CDKL1: variants seen among roughly 807,000 people sequenced by gnomAD.
CDKL1 encodes cyclin dependent kinase like 1, also known as cyclin-dependent kinase-like 1.
In CDKL1, 41 loss-of-function variants were observed where a neutral mutation model predicts 42.0. That is an observed-to-expected ratio of 0.98 (90% CI 0.76 to 1.27). CDKL1 has a LOEUF of 1.27. CDKL1 is among the 50% of genes most tolerant of loss of function. The pLI, the probability that CDKL1 is intolerant of heterozygous loss-of-function variation, is 0.00. For synonymous variants in CDKL1, 153 were observed against 158.6 expected (o/e 0.96, Z 0.26); for missense variants, 394 against 428.4 (o/e 0.92, Z 0.71).
intron 2 of CDKL1, among the ~76,000 whole-genome samples, chr14:50,394,007 G>C (rs958924344): frequency 3.9e-5 from 6 of 152,162 alleles, no homozygotes; most frequent in Non-Finnish European, 7.4e-5. Flanking sequence ...GAGCTACAGA[G>C]GCAAGGTCTC....
Position 50,336,139 on chromosome 14 carries a change from C to T in CDKL1, c.739-1518G>A, listed in dbSNP as rs181153117. The T allele has an allele frequency of 2.5e-4, 338 of 1,365,412 alleles. No homozygotes were observed. The Admixed American group carries it at 5.4e-3, about 22-fold the overall frequency. The allele number at this position is 1,365,412 out of a possible 1,614,324, so 84.6% of individuals were successfully genotyped here. On this transcript the variant is annotated intron_variant, in intron 7 of 9. Coordinates refer to ENST00000395834, the MANE Select transcript of CDKL1 (RefSeq NM_004196.7). ...TGAGGCCAACTGGTTGCCTGTGATA[C>T]GCTGGAGCCCATCTGTGAGCGTTTC...
intron 3 of CDKL1, chr14:50,358,011 C>G (rs1008151908): frequency 1.5e-6 from 2 of 1,337,764 alleles, no homozygotes; most frequent in East Asian, 9.2e-5. Flanking sequence ...GAGCTGGAAT[C>G]CAGTCCTCTC....
At chr14:50,385,231 T>C (rs1198786274) in intron 2 of CDKL1, among the ~76,000 whole-genome samples, 2 of 152,086 alleles carry the variant, frequency 1.3e-5, no homozygotes, top group Non-Finnish European at 2.9e-5. Context: ...AGACCCATCT[T>C]AACTAAGGAA....
At chr14:50,390,114 G>T (rs2035211023) in intron 2 of CDKL1, 1 of 1,352,444 alleles carries the variant, frequency 7.4e-7, no homozygotes, top group East Asian at 4.6e-5. Context: ...AATTTACTAG[G>T]TCCCTTGCCC....
intron 3 of CDKL1, among the ~76,000 whole-genome samples, chr14:50,349,760 G>GT (rs34238617): frequency 1.4e-5 from 2 of 147,748 alleles, no homozygotes; most frequent in Non-Finnish European, 3.0e-5. Context: ...TGTTGTTGTT[G>GT]TTGTTTGTTT....
upstream of CDKL1, chr14:50,397,244 T>A (rs2035443576): frequency 7.3e-7 from 1 of 1,366,530 alleles, no homozygotes; most frequent in African/African-American, 1.5e-5. Context: ...TTCCCTTTGG[T>A]CCCTTGGAGG....
chr14:50,346,076 A>G (rs1291840747), intron 3 of CDKL1, among the ~76,000 whole-genome samples: 1 of 152,132 alleles, frequency 6.6e-6, no homozygotes, highest in African/African-American at 2.4e-5. Flanking sequence ...GCCAAAACGA[A>G]TAAGTAAATC....
chr14:50,385,629 C>T (rs1158909557), intron 2 of CDKL1, among the ~76,000 whole-genome samples: 1 of 151,664 alleles, frequency 6.6e-6, no homozygotes, highest in Non-Finnish European at 1.5e-5. Context: ...GATGGTGAAA[C>T]CCCATCTCTA....
intron 2 of CDKL1, among the ~76,000 whole-genome samples, chr14:50,381,345 T>C (rs1467311862): frequency 3.9e-5 from 6 of 152,172 alleles, no homozygotes; most frequent in African/African-American, 1.4e-4. Flanking sequence ...CTGACCACTG[T>C]CCTAAGAAAA....
Position 50,331,958 on chromosome 14 carries a change from G to A in CDKL1, c.966+304C>T, listed in dbSNP as rs374108173. The stretch of plus-strand genomic sequence containing the variant: ...GGAAAATCTGATTTCATTTTCCAAA[G>A]CCCAAAAAGTCTCCTTAGCTGGACT... On this transcript the variant is annotated intron_variant, in intron 9 of 9. Coordinates refer to ENST00000395834, the MANE Select transcript of CDKL1 (RefSeq NM_004196.7). The A allele has an allele frequency of 3.4e-5, 47 of 1,367,770 alleles. No homozygotes were observed. The South Asian group carries it at 5.7e-4, about 17-fold the overall frequency. The allele number at this position is 1,367,770 out of a possible 1,614,324, so 84.7% of individuals were successfully genotyped here.
chr14:50,392,373 G>A (rs914641180), intron 2 of CDKL1, among the ~76,000 whole-genome samples: 1 of 151,928 alleles, frequency 6.6e-6, no homozygotes, highest in African/African-American at 2.4e-5. Context: ...TTGAACCTGG[G>A]AGGCGGAGGT....
chr14:50,371,758 G>A (rs1021630091), intron 2 of CDKL1, among the ~76,000 whole-genome samples: 1 of 152,238 alleles, frequency 6.6e-6, no homozygotes, highest in African/African-American at 2.4e-5. Context: ...ACCCAGTCAT[G>A]GCTGCAGACC....
At chr14:50,382,548 C>CCTTT (rs1349077701) in intron 2 of CDKL1, among the ~76,000 whole-genome samples, 3 of 151,254 alleles carry the variant, frequency 2.0e-5, no homozygotes, top group Non-Finnish European at 4.4e-5. Flanking sequence ...ATTACTCCTT[C>CCTTT]CTTCCTTCCT....
intron 8 of CDKL1, chr14:50,332,633 T>G: frequency 6.6e-7 from 1 of 1,515,970 alleles, no homozygotes; most frequent in Non-Finnish European, 8.9e-7. Flanking sequence ...TTTCTAGAAG[T>G]AGTAATGAAA....
At chr14:50,335,078 A>G (rs1259848270) in intron 7 of CDKL1, among the ~76,000 whole-genome samples, 1 of 151,578 alleles carries the variant, frequency 6.6e-6, no homozygotes, top group African/African-American at 2.4e-5. Flanking sequence ...GCTTGAGCCC[A>G]GGAATTTGAG....
At chr14:50,395,652 G>A (rs2035374946) in intron 2 of CDKL1, 49 bp downstream of exon 2, 1 of 1,327,584 alleles carries the variant, frequency 7.5e-7, no homozygotes, top group South Asian at 1.2e-5. Context: ...GGGAGACAGA[G>A]TGAAACCCTG....
chr14:50,368,379 C>T (rs1454618430), intron 2 of CDKL1, among the ~76,000 whole-genome samples: 1 of 152,084 alleles, frequency 6.6e-6, no homozygotes, highest in Non-Finnish European at 1.5e-5. Context: ...CCTCAGCCTC[C>T]TCAGTAGCTG....
intron 2 of CDKL1, among the ~76,000 whole-genome samples, chr14:50,385,680 T>C (rs1482655624): frequency 6.6e-6 from 1 of 151,810 alleles, no homozygotes; most frequent in Non-Finnish European, 1.5e-5. Flanking sequence ...GGCAGGTGCC[T>C]GTAATCCCAG....
At chr14:50,336,280 A>G in intron 7 of CDKL1, 1 of 1,229,218 alleles carries the variant, frequency 8.1e-7, no homozygotes, top group Non-Finnish European at 1.0e-6. Context: ...TGTTTCTGTC[A>G]ACAGGAAATC....
Sources: allele counts gnomAD v4.1 joint callset (sites outside exome capture counted in the v4.1 genomes callset), GRCh38; gene constraint gnomAD v4.1.1; transcripts MANE v1.5; gene names NCBI Gene and HGNC (gene_info 2026-07-23, HGNC 2026-07-21).